The following CELF2 variants were observed in gnomAD, a reference collection of about 807,000 sequenced individuals.
CELF2 encodes CUGBP Elav-like family member 2.
A neutral mutation model predicts 62.6 loss-of-function variants in CELF2; 8 were observed. The observed-to-expected ratio is 0.13, with a 90% CI of 0.07 to 0.23. The LOEUF is 0.23. CELF2 is among the 10% of genes least tolerant of loss of function. The pLI is 1.00. For missense variants in CELF2, 333 were observed against 671.0 expected (o/e 0.50, Z 5.56); for synonymous variants, 258 against 250.0 (o/e 1.03, Z -0.30).
chr10:10,783,621 T>G, the CELF2 span, among the ~76,000 whole-genome samples: 1 of 152,362 alleles, frequency 6.6e-6, no homozygotes, highest in East Asian at 1.9e-4. Context: ...AAGAACTGAA[T>G]GCTCTGCAGT....
the CELF2 span, among the ~76,000 whole-genome samples, chr10:10,622,694 G>T: frequency 5.9e-5 from 9 of 151,962 alleles, no homozygotes; most frequent in Non-Finnish European, 1.0e-4. Flanking sequence ...TATTGTCATC[G>T]ACTGGGGAAA....
chr10:10,476,781 A>T, the CELF2 span, among the ~76,000 whole-genome samples: 1 of 152,134 alleles, frequency 6.6e-6, no homozygotes, highest in African/African-American at 2.4e-5. Flanking sequence ...TTTCAAAACT[A>T]TGATTTTTCT....
chr10:10,657,339 G>T, the CELF2 span, among the ~76,000 whole-genome samples: 1 of 151,690 alleles, frequency 6.6e-6, no homozygotes, highest in Admixed American at 6.6e-5. Flanking sequence ...AAATTAGACT[G>T]TGGTGATGGT....
chr10:11,139,850 T>C (rs1404743605), intron 1 of CELF2, among the ~76,000 whole-genome samples: 1 of 152,110 alleles, frequency 6.6e-6, no homozygotes, highest in East Asian at 1.9e-4. Context: ...TTTTTTTTTT[T>C]TTTTATTCAG....
At chr10:10,717,126 C>A in the CELF2 span, among the ~76,000 whole-genome samples, 6 of 152,096 alleles carry the variant, frequency 3.9e-5, no homozygotes, top group Non-Finnish European at 8.8e-5. Context: ...TGTTACAGGA[C>A]TTTTCCAATC....
chr10:10,498,360 A>C, the CELF2 span, among the ~76,000 whole-genome samples: 27 of 152,220 alleles, frequency 1.8e-4, no homozygotes, highest in Non-Finnish European at 3.4e-4. Flanking sequence ...CAAGGAAGGA[A>C]GTAGGTGATC....
intron 7 of CELF2, 26 bp from the exon 8 acceptor site, chr10:11,275,021 ACCGTCTCCAC>A: frequency 6.2e-7 from 1 of 1,606,080 alleles, no homozygotes; most frequent in Non-Finnish European, 8.5e-7. Flanking sequence ...CTTTGCTCTC[ACCGTCTCCAC>A]TTTGCCCTTG....
At chr10:10,573,581 G>A in the CELF2 span, among the ~76,000 whole-genome samples, 1 of 152,140 alleles carries the variant, frequency 6.6e-6, no homozygotes. Flanking sequence ...TGAAATAAGA[G>A]CAGGAAATAG....
At chr10:10,950,358 G>A (rs2048185097) in intron 2 of CELF2, among the ~76,000 whole-genome samples, 1 of 152,156 alleles carries the variant, frequency 6.6e-6, no homozygotes, top group South Asian at 2.1e-4. Flanking sequence ...GTCTGGGTCT[G>A]AACAAATGGG....
intron 1 of CELF2, among the ~76,000 whole-genome samples, chr10:11,121,984 C>A (rs1262199754): frequency 6.6e-6 from 1 of 152,154 alleles, no homozygotes; most frequent in Non-Finnish European, 1.5e-5. Context: ...AACCGCATAG[C>A]CCAGCATGAT....
rs1367069838 is a variant in CELF2, at chr10:11,333,090, A to ACCTCAACC, written c.*4039_*4046dup. On this transcript the variant is annotated 3_prime_UTR_variant, in exon 13 of 13. Coordinates refer to ENST00000633077, the MANE Select transcript of CELF2 (RefSeq NM_001326342.2). Reference sequence around the variant, plus strand: ...GACTCCCCTCCCCATCTCCCTCTCAACCTCAACCCACCTGCATGCATCTCC... The same window carrying ACCTCAACC: ...GACTCCCCTCCCCATCTCCCTCTCAACCTCAACCCCTCAACCCACCTGCATGCATCTCC... The ACCTCAACC allele has an allele frequency of 6.7e-6, 1 of 148,864 alleles. No individual in the cohort carries two copies. Among genetic ancestry groups the ACCTCAACC allele is most frequent in the African/African-American group, 2.4e-5 (1 of 41,170 alleles). The allele number at this position is 148,864 out of a possible 1,614,324, so 9.2% of individuals were successfully genotyped here. A position where few individuals can be genotyped will look rare whatever the true frequency, so the allele number is the denominator to read the frequency against.
chr10:11,200,455 A>AT (rs1260547051), intron 2 of CELF2, among the ~76,000 whole-genome samples: 1 of 152,220 alleles, frequency 6.6e-6, no homozygotes, highest in African/African-American at 2.4e-5. Context: ...CATCCCTTTG[A>AT]TATTTCTTAT....
chr10:10,886,336 A>T (rs2061746408), intron 1 of CELF2, among the ~76,000 whole-genome samples: 1 of 152,212 alleles, frequency 6.6e-6, no homozygotes, highest in Admixed American at 6.5e-5. Context: ...ATGATAATAT[A>T]ATATAATATA....
In CELF2 at chr10:11,247,956, G is replaced by A. The variant is rs1055272147; in HGVS notation, c.355-1197G>A. The stretch of plus-strand genomic sequence containing the variant: ...AGACCCAGGCCGGCATTAGGTGCAC[G>A]TGATCCTGACTGCCTGATGATAATT... On this transcript the variant is annotated intron_variant, in intron 3 of 12. Transcript: ENST00000633077. The surrounding 1 kb of genome is among the most constrained non-coding windows in gnomAD (Gnocchi z 5.4). 1.3e-5 allele frequency among the ~76,000 whole-genome samples: 2 copies of A among 152,086 alleles called. No homozygotes were observed. The highest frequency in any genetic ancestry group is 1.9e-4 in the East Asian group (1 of 5,176).
rs1424121142 is a variant in CELF2 at position 11,319,343 on chromosome 10, GAAGT to G, written c.1097-1842_1097-1839del. 2 of 351,776 alleles carry G rather than the reference GAAGT, an allele frequency of 5.7e-6. No homozygotes were observed. The highest frequency in any genetic ancestry group is 1.1e-5 in the Non-Finnish European group (2 of 176,692). 21.8% of individuals were successfully genotyped at this position (351,776 alleles called of 1,614,324 possible). The stretch of plus-strand genomic sequence containing the variant: ...CACACAAATAGTGGGAGGTGAGGAT[GAAGT>G]AAGATCACTGGAGGAATAGAGAAAT... On this transcript the variant is annotated intron_variant, in intron 10 of 12. Coordinates refer to ENST00000633077, the MANE Select transcript of CELF2 (RefSeq NM_001326342.2). The surrounding 1 kb of genome is among the most constrained non-coding windows in gnomAD (Gnocchi z 4.4).
At chr10:10,578,765 C>G in the CELF2 span, among the ~76,000 whole-genome samples, 1 of 152,138 alleles carries the variant, frequency 6.6e-6, no homozygotes. Flanking sequence ...TGGGTAGATT[C>G]AGTCCTTCCA....
intron 1 of CELF2, among the ~76,000 whole-genome samples, chr10:11,132,672 A>C (rs1217774226): frequency 6.6e-6 from 1 of 152,012 alleles, no homozygotes; most frequent in Non-Finnish European, 1.5e-5. Context: ...CAGCAAAATC[A>C]CTCCACCGGC....
chr10:11,055,536 C>T (rs146816357), intron 1 of CELF2, among the ~76,000 whole-genome samples: 2 of 152,334 alleles, frequency 1.3e-5, no homozygotes, highest in African/African-American at 4.8e-5. Context: ...ATCCCTGTGC[C>T]CTCATGCTTC....
rs2055773998 is a variant in CELF2, at chr10:11,008,656, G to C, written c.53+3216G>C. Among the ~76,000 whole-genome samples the C allele has an allele frequency of 6.6e-6, 1 of 152,184 alleles. No individual in the cohort carries two copies. Among genetic ancestry groups the C allele is most frequent in the Non-Finnish European group, 1.5e-5 (1 of 68,040 alleles). On this transcript the variant is annotated intron_variant, in intron 1 of 12. Transcript: ENST00000416382. The surrounding 1 kb of genome is among the most constrained non-coding windows in gnomAD (Gnocchi z 4.5). ...TTGAGCACAGCCATGGAAACACGCA[G>C]GTTCTTGGAAAGAAAGTAAAATGCA... is the stretch of plus-strand genomic sequence containing the variant.
Sources: gnomAD v4.1 joint callset for allele counts (sites outside exome capture counted in the v4.1 genomes callset) on GRCh38, gnomAD v4.1.1 for gene constraint, Gnocchi (gnomAD v3.1) non-coding constraint, MANE v1.5 for transcripts, NCBI Gene and HGNC (gene_info 2026-07-23, HGNC 2026-07-21) for gene names.